FMO4: variants seen among roughly 807,000 people sequenced by gnomAD.
FMO4 encodes dimethylaniline monooxygenase [N-oxide-forming] 4.
In FMO4, 38 loss-of-function variants were observed where a neutral mutation model predicts 43.3. That is an observed-to-expected ratio of 0.88 (90% CI 0.68 to 1.15). The LOEUF (loss-of-function observed/expected upper bound fraction) is 1.15, where lower values mean the gene tolerates loss of function less well. Among genes scored for constraint, FMO4 ranks in the 50% most tolerant of loss-of-function variants. The pLI is 0.00. For missense variants in FMO4, 631 were observed against 663.3 expected (o/e 0.95, Z 0.54); for synonymous variants, 224 against 232.2 (o/e 0.96, Z 0.32).
intron 3 of FMO4, among the ~76,000 whole-genome samples, chr1:171,320,801 C>A (rs889375308): frequency 4.0e-5 from 6 of 151,834 alleles, no homozygotes; most frequent in Admixed American, 3.9e-4. Flanking sequence ...CATAGTGAGA[C>A]CCTATCTCTA....
intron 9 of FMO4, among the ~76,000 whole-genome samples, chr1:171,340,683 G>A (rs1205793881): frequency 6.6e-6 from 1 of 152,032 alleles, no homozygotes; most frequent in Non-Finnish European, 1.5e-5. Flanking sequence ...ATTGGGGTTG[G>A]GGAGGGATGA....
At position 171,327,155 on chromosome 1, in the gene FMO4, C is replaced by T. The variant is rs536693653; in HGVS notation, c.484+2855C>T. Among the ~76,000 whole-genome samples, 394 of 152,322 alleles carry T rather than the reference C, an allele frequency of 2.6e-3. 2 individuals carry two copies. The highest frequency in any genetic ancestry group is 8.5e-3 in the African/African-American group (353 of 41,574). On this transcript the variant is annotated intron_variant, in intron 5 of 9. Transcript: ENST00000367749. ...TGGCTGAAAGTCCCACTCTCTAATGCGTTTGATGCATATTCTGTTCCCACT... is the reference window on the plus strand; with the variant it reads ...TGGCTGAAAGTCCCACTCTCTAATGTGTTTGATGCATATTCTGTTCCCACT...
Position 171,322,992 on chromosome 1 carries a change from C to G in FMO4, c.133-12C>G. 6.2e-7 allele frequency: 1 copy of G among 1,605,566 alleles called. No homozygotes were observed. Among genetic ancestry groups the G allele is most frequent in the African/African-American group, 1.3e-5 (1 of 74,770 alleles). On this transcript the variant is annotated splice_polypyrimidine_tract_variant and intron_variant, in intron 3 of 9. Transcript: ENST00000367749. ...CCATTATCCCAACAAGCTAACTATG[C>G]CTTCACCACAGGAATCTTCCAAAGA...
intron 2 of FMO4, among the ~76,000 whole-genome samples, chr1:171,317,002 G>A (rs934264528): frequency 1.3e-5 from 2 of 152,284 alleles, no homozygotes; most frequent in African/African-American, 4.8e-5. Context: ...CCATCCCAAA[G>A]GTGCAGCAGC....
chr1:171,319,845 T>G lies in FMO4; in HGVS notation c.20T>G (p.Val7Gly). Residue 7 changes from valine (V) to glycine (G), a missense_variant, in exon 3 of 10, where the codon GTG (valine) becomes GGG (glycine). By Grantham distance (109) the Val-to-Gly change is moderately radical (BLOSUM62 -3). Coordinates refer to ENST00000367749, the MANE Select transcript of FMO4 (RefSeq NM_002022.3). Reference sequence around the variant, plus strand: ...CATACCATGGCCAAGAAAGTTGCAGTGATTGGAGCTGGTGTGAGTGGCCTC... The same window carrying G: ...CATACCATGGCCAAGAAAGTTGCAGGGATTGGAGCTGGTGTGAGTGGCCTC... MAKKVA[V>G]IGAGVSGLSS... 1 of 1,613,770 alleles carries G rather than the reference T, an allele frequency of 6.2e-7. No individual in the cohort carries two copies. Among genetic ancestry groups the G allele is most frequent in the Non-Finnish European group, 8.5e-7 (1 of 1,179,770 alleles).
chr1:171,316,153 T>A (rs1662189808), intron 1 of FMO4, 33 bp from the exon 2 acceptor site: 1 of 152,160 alleles, frequency 6.6e-6, no homozygotes, highest in Admixed American at 6.6e-5. Context: ...GCAATTCAGT[T>A]AGCAGTCATT....
chr1:171,332,715 C>G lies in FMO4; in HGVS notation c.634C>G (p.Leu212Val). ...ELSRTAAQVLLSTRTGTWVLG... is the reference protein window; with the variant it reads ...ELSRTAAQVLVSTRTGTWVLG... ...GCCTTACTTTACTTTTTAGGTACTT[C>G]TCAGTACTAGAACTGGTACCTGGGT... The change falls in exon 7 of 10, where the codon CTC becomes GTC. Residue 212 changes from leucine to valine, a missense_variant. Leu to Val is a conservative substitution (Grantham distance 32, BLOSUM62 1). Transcript: ENST00000367749. 2 of 1,607,468 alleles carry G rather than the reference C, an allele frequency of 1.2e-6. No individual in the cohort carries two copies. Among genetic ancestry groups the G allele is most frequent in the Non-Finnish European group, 1.7e-6 (2 of 1,174,596 alleles).
At chr1:171,321,687 T>C (rs1662433619) in intron 3 of FMO4, among the ~76,000 whole-genome samples, 1 of 149,386 alleles carries the variant, frequency 6.7e-6, no homozygotes, top group Non-Finnish European at 1.5e-5. Context: ...ATTTTTTTTT[T>C]CAAAAATGTT....
intron 8 of FMO4, 132 bp downstream of exon 8, chr1:171,334,895 T>C: frequency 1.7e-6 from 1 of 571,560 alleles, no homozygotes; most frequent in East Asian, 2.9e-5. Flanking sequence ...ATTGTATATG[T>C]TTGTAATATG....
At chr1:171,340,956 GA>G (rs938743631) in intron 9 of FMO4, among the ~76,000 whole-genome samples, 17 of 151,768 alleles carry the variant, frequency 1.1e-4, no homozygotes, top group Admixed American at 2.0e-4. Flanking sequence ...GTAAAAAATG[GA>G]AAAAAACATA....
At chr1:171,340,124 A>C (rs1663307881) in intron 9 of FMO4, among the ~76,000 whole-genome samples, 1 of 152,246 alleles carries the variant, frequency 6.6e-6, no homozygotes, top group African/African-American at 2.4e-5. Context: ...TATAAGGGAC[A>C]GCTGAGCCAG....
At chr1:171,341,348 T>C in intron 9 of FMO4, 65 bp from the exon 10 acceptor site, 4 of 1,248,440 alleles carry the variant, frequency 3.2e-6, no homozygotes, top group Non-Finnish European at 4.5e-6. Context: ...TGGGTGGGTC[T>C]GATAACTTGA....
intron 5 of FMO4, 143 bp from the exon 6 acceptor site, chr1:171,331,497 T>C: frequency 7.1e-6 from 5 of 702,622 alleles, no homozygotes; most frequent in Admixed American, 2.6e-5. Context: ...GGTTATATGC[T>C]TTTTCTACTT....
Position 171,315,718 on chromosome 1 carries a change from G to A in FMO4, c.-150-468G>A, listed in dbSNP as rs45594446. ...TCAGAAATTTATAGTCTGTAAATAC[G>A]GATTAATTTTAAAAGGTGCTAATTC... On this transcript the variant is annotated intron_variant, in intron 1 of 9. Coordinates refer to ENST00000367749, the MANE Select transcript of FMO4 (RefSeq NM_002022.3). 6.1e-3 allele frequency among the ~76,000 whole-genome samples: 933 copies of A among 152,250 alleles called. 12 individuals carry two copies. Among genetic ancestry groups the A allele is most frequent in the African/African-American group, 0.02 (828 of 41,538 alleles).
At chr1:171,329,636 C>A (rs1662817817) in intron 5 of FMO4, among the ~76,000 whole-genome samples, 1 of 152,222 alleles carries the variant, frequency 6.6e-6, no homozygotes. Flanking sequence ...ACATGAAGGT[C>A]TCGCTCAGAG....
intron 5 of FMO4, among the ~76,000 whole-genome samples, chr1:171,325,401 TA>T (rs1472966824): frequency 6.6e-6 from 1 of 152,170 alleles, no homozygotes; most frequent in Non-Finnish European, 1.5e-5. Context: ...GGCAATTGAA[TA>T]GGTGAGTTTT....
At chr1:171,339,313 A>T (rs1209863348) in intron 9 of FMO4, among the ~76,000 whole-genome samples, 1 of 152,192 alleles carries the variant, frequency 6.6e-6, no homozygotes, top group African/African-American at 2.4e-5. Context: ...AGTTTTTAAG[A>T]ACCTACAACT....
At chr1:171,316,734 G>A (rs1359388713) in intron 2 of FMO4, among the ~76,000 whole-genome samples, 1 of 152,120 alleles carries the variant, frequency 6.6e-6, no homozygotes, top group African/African-American at 2.4e-5. Flanking sequence ...AATACATAAT[G>A]AAGCCAGGTA....
chr1:171,314,390 A>G lies in FMO4; in HGVS notation c.-174A>G, dbSNP rs1662115996. 6.6e-6 allele frequency: 1 copy of G among 152,158 alleles called. No homozygotes were observed. The highest frequency in any genetic ancestry group is 6.5e-5 in the Admixed American group (1 of 15,278). 9.4% of individuals were successfully genotyped at this position (152,158 alleles called of 1,614,324 possible). ...GACTTTGAGAAATAATTTAAGTCAA[A>G]GAATCTGCTCTATGCTAACCAAGGT... On this transcript the variant is annotated 5_prime_UTR_variant, in exon 1 of 10. Coordinates refer to ENST00000367749, the MANE Select transcript of FMO4 (RefSeq NM_002022.3).
Sources: gnomAD v4.1 joint callset for allele counts (sites outside exome capture counted in the v4.1 genomes callset) on GRCh38, gnomAD v4.1.1 for gene constraint, MANE v1.5 for transcripts, NCBI Gene and HGNC (gene_info 2026-07-23, HGNC 2026-07-21) for gene names.